CCS: variants seen among roughly 807,000 people sequenced by gnomAD.
CCS encodes superoxide dismutase copper chaperone.
A neutral mutation model predicts 35.5 loss-of-function variants in CCS; 32 were observed. That is an observed-to-expected ratio of 0.90 (90% CI 0.68 to 1.21). The LOEUF (loss-of-function observed/expected upper bound fraction) is 1.21. Ranked by LOEUF, CCS falls within the 50% of genes most tolerant of loss-of-function variation. CCS has a pLI of 0.00. For synonymous variants in CCS, 130 were observed against 147.2 expected, an observed-to-expected ratio of 0.88 and a Z score of 0.84; for missense variants, 342 against 375.4, an observed-to-expected ratio of 0.91 and a Z score of 0.73.
chr11:66,599,293 G>A (rs762523379), intron 3 of CCS, 40 bp downstream of exon 3: 1 of 1,551,002 alleles, frequency 6.4e-7, no homozygotes, highest in South Asian at 1.2e-5. Context: ...TCGGAGGGAG[G>A]TGGCTCAGAG....
chr11:66,596,439 G>T (rs1267688312), intron 2 of CCS, among the ~76,000 whole-genome samples: 1 of 151,108 alleles, frequency 6.6e-6, no homozygotes, highest in Non-Finnish European at 1.5e-5. Context: ...GAGTGCAGTG[G>T]CGCAATCTCG....
intron 3 of CCS, 39 bp from the exon 4 acceptor site, chr11:66,599,420 T>A: frequency 6.6e-7 from 1 of 1,510,438 alleles, no homozygotes; most frequent in South Asian, 1.3e-5. Flanking sequence ...GTGTGCTGGG[T>A]GAGGTGGCAA....
At chr11:66,602,176 AG>A (rs1858581987) in intron 5 of CCS, among the ~76,000 whole-genome samples, 1 of 152,210 alleles carries the variant, frequency 6.6e-6, no homozygotes, top group African/African-American at 2.4e-5. Flanking sequence ...ATGACTCCAA[AG>A]TTAGGAGTTT....
At position 66,605,536 on chromosome 11, in the gene CCS, T is replaced by G; in HGVS notation, c.615T>G (p.Asp205Glu). Reference sequence around the variant, plus strand: ...GCCTGATTATTGATGAGGGAGAAGATGACCTGGGCCGGGGAGGCCATCCCT... The same window carrying G: ...GCCTGATTATTGATGAGGGAGAAGAGGACCTGGGCCGGGGAGGCCATCCCT... Reference protein sequence around the residue: ...GRSLIIDEGEDDLGRGGHPLS... With the variant: ...GRSLIIDEGEEDLGRGGHPLS... Residue 205 changes from aspartate (D) to glutamate (E), a missense_variant, in exon 7 of 8, where the codon GAT (aspartate) becomes GAG (glutamate). By Grantham distance (45) the Asp-to-Glu change is conservative (BLOSUM62 2). Coordinates refer to ENST00000533244, the MANE Select transcript of CCS (RefSeq NM_005125.2). The G allele has an allele frequency of 6.2e-7, 1 of 1,614,052 alleles. No homozygotes were observed. Among genetic ancestry groups the G allele is most frequent in the Admixed American group, 1.7e-5 (1 of 59,996 alleles).
chr11:66,595,492 T>C (rs1858461202), intron 2 of CCS, among the ~76,000 whole-genome samples: 1 of 152,154 alleles, frequency 6.6e-6, no homozygotes, highest in Non-Finnish European at 1.5e-5. Flanking sequence ...CTGGTCCGGC[T>C]TGGCTTTCTC....
chr11:66,604,825 C>T (rs1346262182), intron 5 of CCS, among the ~76,000 whole-genome samples: 1 of 152,164 alleles, frequency 6.6e-6, no homozygotes, highest in African/African-American at 2.4e-5. Context: ...CCTTCTGTTC[C>T]TGGAATCTGG....
intron 2 of CCS, among the ~76,000 whole-genome samples, chr11:66,594,821 A>G (rs940418761): frequency 1.3e-5 from 2 of 151,570 alleles, no homozygotes; most frequent in Admixed American, 1.3e-4. Context: ...TTCGGCAGGT[A>G]TGGACCAGAC....
chr11:66,593,473 C>G, intron 1 of CCS, 169 bp from the exon 2 acceptor site: 1 of 920,308 alleles, frequency 1.1e-6, no homozygotes, highest in Non-Finnish European at 1.6e-6. Flanking sequence ...TGGGGGGTGA[C>G]TCCCATGGTC....
chr11:66,602,851 G>C (rs1387999523), intron 5 of CCS, among the ~76,000 whole-genome samples: 2 of 152,272 alleles, frequency 1.3e-5, no homozygotes, highest in Non-Finnish European at 2.9e-5. Context: ...GAGCTGACCA[G>C]CCAAGGCCAC....
intron 2 of CCS, among the ~76,000 whole-genome samples, chr11:66,598,877 G>A (rs567707355): frequency 3.9e-4 from 59 of 152,212 alleles, no homozygotes; most frequent in African/African-American, 1.2e-3. Context: ...AATGCCTGGC[G>A]TGTATTAGAA....
chr11:66,599,318 A>C, intron 3 of CCS, 65 bp downstream of exon 3: 1 of 1,517,452 alleles, frequency 6.6e-7, no homozygotes, highest in Non-Finnish European at 8.8e-7. Flanking sequence ...TACAAATCTA[A>C]TCATAGGATT....
chr11:66,600,251 A>T (rs1858550740), intron 4 of CCS: 1 of 372,346 alleles, frequency 2.7e-6, no homozygotes, highest in Non-Finnish European at 4.8e-6. Flanking sequence ...GGTGTTTGTC[A>T]TGCTGTGATA....
chr11:66,600,021 C>T (rs1474076863), intron 4 of CCS: 6 of 195,222 alleles, frequency 3.1e-5, no homozygotes, highest in South Asian at 1.7e-4. Context: ...TAGGGAGGCC[C>T]GTAATCTCCT....
Position 66,605,716 on chromosome 11 carries a change from T to G in CCS, c.686T>G (p.Ile229Ser), listed in dbSNP as rs968590662. ...GNSGERLACG[I>S]IARSAGLFQN... is the part of the protein sequence containing the mutation. ...TTCTTCTGCAGGTTGGCCTGTGGCA[T>G]CATTGCACGCTCCGCTGGCCTTTTC... is the stretch of plus-strand genomic sequence containing the variant. Residue 229 changes from isoleucine to serine, a missense_variant, in exon 8 of 8, where the codon ATC becomes AGC. Ile to Ser is a moderately radical substitution (Grantham distance 142, BLOSUM62 -2). Transcript: ENST00000533244. 5 of 1,587,506 alleles carry G rather than the reference T, an allele frequency of 3.1e-6. No homozygotes were observed. The highest frequency in any genetic ancestry group is 4.3e-6 in the Non-Finnish European group (5 of 1,166,744).
intron 5 of CCS, among the ~76,000 whole-genome samples, chr11:66,600,807 C>T (rs1858561180): frequency 6.6e-6 from 1 of 152,202 alleles, no homozygotes; most frequent in Non-Finnish European, 1.5e-5. Flanking sequence ...CCATGGTTTC[C>T]AGGCAGTGAG....
chr11:66,593,329 C>T (rs377663450), intron 1 of CCS, 29 bp downstream of exon 1: 8 of 1,498,118 alleles, frequency 5.3e-6, no homozygotes, highest in Non-Finnish European at 7.1e-6. Context: ...TGTGGAGCCT[C>T]GCCGGGCAGA....
intron 1 of CCS, 79 bp from the exon 2 acceptor site, chr11:66,593,563 T>C (rs1858420177): frequency 2.8e-6 from 4 of 1,426,226 alleles, no homozygotes; most frequent in Admixed American, 3.7e-5. Flanking sequence ...CTTGCGGTGG[T>C]CATAGGGTAG....
At chr11:66,604,244 C>G (rs558393341) in intron 5 of CCS, among the ~76,000 whole-genome samples, 5 of 152,080 alleles carry the variant, frequency 3.3e-5, no homozygotes, top group Middle Eastern at 3.4e-3. Flanking sequence ...CAAAACAAAA[C>G]AAGCAAAAAA....
chr11:66,599,109 T>C lies in CCS; in HGVS notation c.113-7T>C. On this transcript the variant is annotated splice_polypyrimidine_tract_variant and splice_region_variant and intron_variant, in intron 2 of 7. Coordinates refer to ENST00000533244, the MANE Select transcript of CCS (RefSeq NM_005125.2). ...TCTGTTGCCCTCTTCCCTCTCTTTC[T>C]TGCCAGGTGTCCAGGATGTGGAGGT... 1 of 1,614,146 alleles carries C rather than the reference T, an allele frequency of 6.2e-7. No homozygotes were observed. Among genetic ancestry groups the C allele is most frequent in the South Asian group, 1.1e-5 (1 of 91,082 alleles).
Sources: gnomAD v4.1 joint callset for allele counts (sites outside exome capture counted in the v4.1 genomes callset) on GRCh38, gnomAD v4.1.1 for gene constraint, MANE v1.5 for transcripts, NCBI Gene and HGNC (gene_info 2026-07-23, HGNC 2026-07-21) for gene names.